TXNIP: variants seen among roughly 807,000 people sequenced by gnomAD.
The protein encoded by TXNIP is thioredoxin-interacting protein.
A neutral mutation model predicts 43.9 loss-of-function variants in TXNIP; 23 were observed. The observed-to-expected ratio is 0.52, with a 90% CI of 0.38 to 0.74. TXNIP has a LOEUF of 0.74. TXNIP is among the 30% of genes least tolerant of loss of function. TXNIP has a pLI of 0.00. For missense variants in TXNIP, 555 were observed against 485.4 expected (o/e 1.14, Z -1.35); for synonymous variants, 234 against 172.2 (o/e 1.36, Z -2.81).
chr1:145,995,045 G>A lies in TXNIP; in HGVS notation c.472-14C>T, dbSNP rs587602402. On this transcript the variant is annotated splice_polypyrimidine_tract_variant and intron_variant, in intron 3 of 7. Coordinates refer to ENST00000582401, the MANE Select transcript of TXNIP (RefSeq NM_006472.6). Reference sequence around the variant, plus strand: ...AGACACAGGTGCCTATATAGAAGGGGATAAAAAGGTGTTTTGAGATGCTTC... The same window carrying A: ...AGACACAGGTGCCTATATAGAAGGGAATAAAAAGGTGTTTTGAGATGCTTC... 6.8e-6 allele frequency: 11 copies of A among 1,613,654 alleles called. No homozygotes were observed. In the South Asian group the frequency reaches 7.7e-5, roughly 11 times the overall value.
rs1489078465 is a variant in TXNIP at position 145,993,089 on chromosome 1, CT to C, written c.*761del. 6.6e-6 allele frequency: 1 copy of C among 152,666 alleles called. No homozygotes were observed. The highest frequency in any genetic ancestry group is 6.5e-5 in the Admixed American group (1 of 15,270). 9.5% of individuals were successfully genotyped at this position (152,666 alleles called of 1,614,324 possible). On this transcript the variant is annotated 3_prime_UTR_variant, in exon 8 of 8. Transcript: ENST00000582401. ...ATCACCTTAGAATCAATTCCAAGGA[CT>C]TACATGAAGAGAAAACCATCCTCCC... is the stretch of plus-strand genomic sequence containing the variant.
Position 145,996,245 on chromosome 1 carries a change from T to C in TXNIP, c.22A>G (p.Lys8Glu). The C allele has an allele frequency of 6.2e-7, 1 of 1,613,946 alleles. No homozygotes were observed. The highest frequency in any genetic ancestry group is 8.5e-7 in the Non-Finnish European group (1 of 1,179,882). The change falls in exon 1 of 8, where the codon AAG (lysine) becomes GAG (glutamate). Residue 8 changes from lysine to glutamate, a missense_variant. Lys to Glu is a moderately conservative substitution (Grantham distance 56). Transcript: ENST00000582401. ...TCGTTAAAGACCACCTCAAAAGACT[T>C]GATCTTCTTGAACATCACCATGATG... MVMFKKI[K>E]SFEVVFNDPE...
chr1:145,995,355 A>G (rs781994867), intron 2 of TXNIP, 49 bp downstream of exon 2: 1 of 1,609,852 alleles, frequency 6.2e-7, no homozygotes, highest in South Asian at 1.1e-5. Flanking sequence ...AAAGGAGGGC[A>G]AGATATTTTA....
rs140925524 is a variant in TXNIP at position 145,996,243 on chromosome 1, C to T, written c.24G>A (p.Lys8=). 186 of 1,613,914 alleles carry T rather than the reference C, an allele frequency of 1.2e-4. 4 individuals carry two copies. In the African/African-American group the frequency reaches 2.1e-3, roughly 18 times the overall value. Residue 8 remains lysine, a synonymous_variant, in exon 1 of 8, where the codon AAG becomes AAA. Transcript: ENST00000582401. ...GGTCGTTAAAGACCACCTCAAAAGA[C>T]TTGATCTTCTTGAACATCACCATGA... The part of the protein sequence containing the change: MVMFKKI[K]SFEVVFNDPE...
chr1:145,995,298 CAAG>C lies in TXNIP; in HGVS notation c.324-10_324-8del. On this transcript the variant is annotated splice_polypyrimidine_tract_variant and splice_region_variant and intron_variant, in intron 2 of 7. Coordinates refer to ENST00000582401, the MANE Select transcript of TXNIP (RefSeq NM_006472.6). ...GAAGGATGTTCCCAGAGGCCTGTGT[CAAG>C]AAAATGAAAATTTTAAAACGCTCTC... 1.9e-6 allele frequency: 3 copies of C among 1,610,608 alleles called. No homozygotes were observed. Among genetic ancestry groups the C allele is most frequent in the Non-Finnish European group, 2.5e-6 (3 of 1,177,632 alleles).
At position 145,994,426 on chromosome 1, in the gene TXNIP, G is replaced by A. The variant is rs143049972; in HGVS notation, c.843C>T (p.Ser281=). The A allele has an allele frequency of 3.0e-5, 49 of 1,613,730 alleles. No homozygotes were observed. In the South Asian group the frequency reaches 4.8e-4, roughly 16 times the overall value. The change falls in exon 6 of 8, where the codon AGC becomes AGT. Residue 281 remains serine, a synonymous_variant. Transcript: ENST00000582401. ...GGATGACCTTCTTGGATCCAGGAAC[G>A]CTAACATAGATCTAGAAAGGAAGAT... ...RVEYSLLIYV[S]VPGSKKVILD...
At position 145,994,280 on chromosome 1, in the gene TXNIP, C is replaced by T. The variant is rs113699749; in HGVS notation, c.988+1G>A. The stretch of plus-strand genomic sequence containing the variant: ...AAGAAAAGACATTAGGTCTGGCTCA[C>T]CTTCTGGGGTATCAGGGATGTTCAG... On this transcript the variant is annotated splice_donor_variant, in intron 6 of 7. Transcript: ENST00000582401. LOFTEE classifies it high-confidence loss of function. 1.2e-6 allele frequency: 2 copies of T among 1,613,842 alleles called. No individual in the cohort carries two copies. Among genetic ancestry groups the T allele is most frequent in the Non-Finnish European group, 1.7e-6 (2 of 1,179,888 alleles).
rs782655051 is a variant in TXNIP at position 145,994,441 on chromosome 1, G to A, written c.832-4C>T. The A allele has an allele frequency of 1.2e-6, 2 of 1,613,624 alleles. No individual in the cohort carries two copies. Among genetic ancestry groups the A allele is most frequent in the South Asian group, 1.1e-5 (1 of 91,044 alleles). On this transcript the variant is annotated splice_region_variant and splice_polypyrimidine_tract_variant and intron_variant, in intron 5 of 7. Transcript: ENST00000582401. ...ATCCAGGAACGCTAACATAGATCTA[G>A]AAAGGAAGATGGCAGTTTATTACAC...
In TXNIP at chr1:145,994,163, A is replaced by G; in HGVS notation, c.993T>C (p.Pro331=). 6.2e-7 allele frequency: 1 copy of G among 1,614,004 alleles called. No individual in the cohort carries two copies. The highest frequency in any genetic ancestry group is 8.5e-7 in the Non-Finnish European group (1 of 1,179,972). Residue 331 remains proline, a synonymous_variant, in exon 7 of 8, where the codon CCT becomes CCC. Transcript: ENST00000582401. ...CAGGAATGACATCCATATAGCAGGG[A>G]GGAGCTAGAAAAGAAAATATGGCCA... ...DLNIPDTPEA[P]PCYMDVIPED...
Position 145,993,484 on chromosome 1 carries a change from C to A in TXNIP, c.*367G>T. On this transcript the variant is annotated 3_prime_UTR_variant, in exon 8 of 8. Transcript: ENST00000582401. ...GGTCCAAAGTTCCTATCACAATTTA[C>A]AAAAAGCCTCCAAAAAACCTTGAAA... The A allele has an allele frequency of 5.5e-6, 1 of 181,540 alleles. No individual in the cohort carries two copies. The highest frequency in any genetic ancestry group is 1.2e-5 in the Non-Finnish European group (1 of 84,622). 11.2% of individuals were successfully genotyped at this position (181,540 alleles called of 1,614,324 possible).
chr1:145,994,594 T>G lies in TXNIP; in HGVS notation c.781A>C (p.Arg261=). 1 of 1,614,228 alleles carries G rather than the reference T, an allele frequency of 6.2e-7. No individual in the cohort carries two copies. The highest frequency in any genetic ancestry group is 8.5e-7 in the Non-Finnish European group (1 of 1,180,044). ...ATGTTGCAGCCCAGGATAGAAGGCC[T>G]GATCTTCTGAACCCGAAGGCTCTTG... is the stretch of plus-strand genomic sequence containing the variant. The part of the protein sequence containing the change: ...RGKSLRVQKI[R]PSILGCNILR... The change falls in exon 5 of 8, where the codon AGG becomes CGG. Residue 261 remains arginine (R), a synonymous_variant. Coordinates refer to ENST00000582401, the MANE Select transcript of TXNIP (RefSeq NM_006472.6).
Position 145,993,246 on chromosome 1 carries a change from G to C in TXNIP, c.*605C>G, listed in dbSNP as rs1466890670. On this transcript the variant is annotated 3_prime_UTR_variant, in exon 8 of 8. Coordinates refer to ENST00000582401, the MANE Select transcript of TXNIP (RefSeq NM_006472.6). ...TATACTCTAAGCAAAGATGACCGTA[G>C]AGCAGCTAGCTTCCTTTTTTATAAT... The C allele has an allele frequency of 6.5e-6, 1 of 153,136 alleles. No individual in the cohort carries two copies. Among genetic ancestry groups the C allele is most frequent in the Non-Finnish European group, 1.5e-5 (1 of 68,380 alleles). The allele number at this position is 153,136 out of a possible 1,614,324, so 9.5% of individuals were successfully genotyped here.
chr1:145,994,873 G>A, intron 4 of TXNIP, 56 bp downstream of exon 4: 1 of 1,613,682 alleles, frequency 6.2e-7, no homozygotes, highest in Non-Finnish European at 8.5e-7. Flanking sequence ...CCAGTCCCAT[G>A]CCCTTGCCCC....
At position 145,996,550 on chromosome 1, in the gene TXNIP, A is replaced by G. The variant is rs1384792661; in HGVS notation, c.-284T>C. 3.2e-6 allele frequency: 1 copy of G among 309,854 alleles called. No homozygotes were observed. Among genetic ancestry groups the G allele is most frequent in the East Asian group, 8.0e-5 (1 of 12,554 alleles). The allele number at this position is 309,854 out of a possible 1,614,324, so 19.2% of individuals were successfully genotyped here. A position where few individuals can be genotyped will look rare whatever the true frequency, so the allele number is the denominator to read the frequency against. On this transcript the variant is annotated 5_prime_UTR_variant, in exon 1 of 8. Coordinates refer to ENST00000582401, the MANE Select transcript of TXNIP (RefSeq NM_006472.6). The stretch of plus-strand genomic sequence containing the variant: ...GAGAAAAGATCCGATCTCCACAAGC[A>G]CTCCTTTGGAGAAAAAGAGGGGTTA...
rs1553766298 is a variant in TXNIP, at chr1:145,995,244, CA to C, written c.370del (p.Trp124GlyfsTer2). On this transcript the variant is annotated frameshift_variant, in exon 3 of 8. Coordinates refer to ENST00000582401, the MANE Select transcript of TXNIP (RefSeq NM_006472.6). LOFTEE classifies it high-confidence loss of function. ...FKGKYGCVDY[W>X]VKAFLDRPSQ... ...CGGGCGGTCAAGAAAAGCCTTCACC[CA>C]GTAGTCTACACACCCATATTTTCCT... 6 of 1,614,144 alleles carry C rather than the reference CA, an allele frequency of 3.7e-6. No homozygotes were observed. The highest frequency in any genetic ancestry group is 5.1e-6 in the Non-Finnish European group (6 of 1,180,030).
Position 145,996,276 on chromosome 1 carries a change from G to C in TXNIP, c.-10C>G. 6.2e-7 allele frequency: 1 copy of C among 1,611,340 alleles called. No individual in the cohort carries two copies. The highest frequency in any genetic ancestry group is 8.5e-7 in the Non-Finnish European group (1 of 1,178,220). ...TCTTGAACATCACCATGATGGAACT[G>C]AGTTGGTTTTAAGAGTTAGAAATGA... On this transcript the variant is annotated 5_prime_UTR_variant, in exon 1 of 8. Coordinates refer to ENST00000582401, the MANE Select transcript of TXNIP (RefSeq NM_006472.6).
At position 145,995,860 on chromosome 1, in the gene TXNIP, G is replaced by A. The variant is rs374675257; in HGVS notation, c.250+157C>T. On this transcript the variant is annotated intron_variant, in intron 1 of 7. Transcript: ENST00000582401. ...AATCACCCTTTTTTTTGGGGGGGGA[G>A]GAGAATGTCTGCAAATTAAAACAGA... is the stretch of plus-strand genomic sequence containing the variant. The A allele has an allele frequency of 2.3e-5, 21 of 913,798 alleles. No individual in the cohort carries two copies. In the East Asian group the frequency reaches 3.8e-4, roughly 17 times the overall value. The allele number at this position is 913,798 out of a possible 1,614,324, so 56.6% of individuals were successfully genotyped here. A position where few individuals can be genotyped will look rare whatever the true frequency, so the allele number is the denominator to read the frequency against.
At chr1:145,994,504 T>G (rs1553766048) in intron 5 of TXNIP, 40 bp downstream of exon 5, 4 of 1,613,328 alleles carry the variant, frequency 2.5e-6, no homozygotes, top group Admixed American at 3.3e-5. Context: ...TGGTAACAGA[T>G]GAACAATTTC....
Position 145,994,530 on chromosome 1 carries a change from C to A in TXNIP, c.831+14G>T. 6.2e-7 allele frequency: 1 copy of A among 1,614,056 alleles called. No homozygotes were observed. The highest frequency in any genetic ancestry group is 8.5e-7 in the Non-Finnish European group (1 of 1,179,954). On this transcript the variant is annotated intron_variant, in intron 5 of 7. Coordinates refer to ENST00000582401, the MANE Select transcript of TXNIP (RefSeq NM_006472.6). ...GAACAATTTCTCTGCTGAAGCCACCCTGCATCTACCCACCAGTAAGGAATA... is the reference window on the plus strand; with the variant it reads ...GAACAATTTCTCTGCTGAAGCCACCATGCATCTACCCACCAGTAAGGAATA...
Sources: allele counts gnomAD v4.1 joint callset, GRCh38; gene constraint gnomAD v4.1.1; transcripts MANE v1.5; gene names NCBI Gene and HGNC (gene_info 2026-07-23, HGNC 2026-07-21).